Variants in ABCC1 observed in about 807,000 individuals in gnomAD.
The protein encoded by ABCC1 is multidrug resistance-associated protein 1.
ABCC1 carries 83 observed loss-of-function variants against 172.9 expected under a neutral mutation model. The observed-to-expected ratio is 0.48, with a 90% CI of 0.40 to 0.58. The LOEUF (loss-of-function observed/expected upper bound fraction) is 0.58. Ranked by LOEUF, ABCC1 falls within the 20% of genes least tolerant of loss-of-function variation. ABCC1 has a pLI of 0.00. For synonymous variants in ABCC1, 937 were observed against 825.2 expected (o/e 1.14, Z -2.32); for missense variants, 1,817 against 2,002.7 (o/e 0.91, Z 1.77).
At chr16:16,091,538 G>T (rs1174591821) in intron 19 of ABCC1, among the ~76,000 whole-genome samples, 1 of 152,210 alleles carries the variant, frequency 6.6e-6, no homozygotes, top group Non-Finnish European at 1.5e-5. Context: ...CCTCTCTGGG[G>T]AGGTTGCATT....
At chr16:16,108,282 T>C (rs2052227456) in intron 21 of ABCC1, among the ~76,000 whole-genome samples, 1 of 83,480 alleles carries the variant, frequency 1.2e-5, no homozygotes, top group African/African-American at 4.9e-5. Flanking sequence ...TCTTTTTTTT[T>C]TTTTTTTTTT....
chr16:16,118,058 A>G (rs530908533), intron 23 of ABCC1, among the ~76,000 whole-genome samples: 50 of 152,326 alleles, frequency 3.3e-4, no homozygotes, highest in African/African-American at 1.1e-3. Flanking sequence ...AATGTTTTCA[A>G]TTGACAGGTG....
chr16:16,018,188 G>A lies in ABCC1; in HGVS notation c.615+1567G>A, dbSNP rs34334486. Reference sequence around the variant, plus strand: ...TGAGGGGCAGAGGCTCACCTTGTGGGTGACGAAAGGGCTTGGTGGGCATCA... The same window carrying A: ...TGAGGGGCAGAGGCTCACCTTGTGGATGACGAAAGGGCTTGGTGGGCATCA... On this transcript the variant is annotated intron_variant, in intron 5 of 30. Coordinates refer to ENST00000399410, the MANE Select transcript of ABCC1 (RefSeq NM_004996.4). Among the ~76,000 whole-genome samples the A allele has an allele frequency of 2.2e-3, 329 of 152,280 alleles. 1 individual carries two copies. Among genetic ancestry groups the A allele is most frequent in the South Asian group, 5.0e-3 (24 of 4,820 alleles).
chr16:16,073,343 AT>A (rs1225256486), intron 14 of ABCC1, among the ~76,000 whole-genome samples: 3 of 152,296 alleles, frequency 2.0e-5, no homozygotes, highest in Admixed American at 6.5e-5. Context: ...CCTCACTGAG[AT>A]TTACTGAGCA....
chr16:15,986,758 G>A (rs2046753960), intron 1 of ABCC1, among the ~76,000 whole-genome samples: 1 of 152,292 alleles, frequency 6.6e-6, no homozygotes, highest in African/African-American at 2.4e-5. Context: ...CTGGGGACGG[G>A]GATGTAGGCA....
At chr16:15,979,508 T>C (rs1391769212) in intron 1 of ABCC1, among the ~76,000 whole-genome samples, 3 of 62,440 alleles carry the variant, frequency 4.8e-5, no homozygotes, top group African/African-American at 7.8e-5. Flanking sequence ...CTCTCTCTCT[T>C]TTTTAATAAA....
chr16:15,978,855 T>G (rs2046552982), intron 1 of ABCC1, among the ~76,000 whole-genome samples: 1 of 152,064 alleles, frequency 6.6e-6, no homozygotes, highest in Non-Finnish European at 1.5e-5. Flanking sequence ...TCTGTTGGGT[T>G]AGGATCAGGA....
chr16:15,966,590 G>A (rs2046248170), intron 1 of ABCC1, among the ~76,000 whole-genome samples: 1 of 151,714 alleles, frequency 6.6e-6, no homozygotes, highest in Non-Finnish European at 1.5e-5. Flanking sequence ...ACTAACCCAG[G>A]ATCGCATGTT....
chr16:16,045,614 C>G (rs2049173571), intron 8 of ABCC1, among the ~76,000 whole-genome samples: 1 of 152,024 alleles, frequency 6.6e-6, no homozygotes, highest in African/African-American at 2.4e-5. Context: ...ATAGCTAGAG[C>G]AATTAGTGCA....
chr16:16,104,384 C>T (rs192767878), intron 20 of ABCC1, among the ~76,000 whole-genome samples: 109 of 152,212 alleles, frequency 7.2e-4, no homozygotes, highest in African/African-American at 2.6e-3. Context: ...TGTTTACAAC[C>T]CCTGAGCTAG....
At chr16:16,128,964 C>T (rs1205878602) in intron 26 of ABCC1, among the ~76,000 whole-genome samples, 3 of 152,136 alleles carry the variant, frequency 2.0e-5, no homozygotes, top group African/African-American at 7.2e-5. Flanking sequence ...CACTGCACTC[C>T]AGCCTGGGTG....
intron 21 of ABCC1, among the ~76,000 whole-genome samples, chr16:16,107,312 T>C (rs1033624801): frequency 2.6e-5 from 4 of 152,154 alleles, no homozygotes; most frequent in Non-Finnish European, 5.9e-5. Context: ...TTTTTTGAGA[T>C]GGAGTCTCAC....
chr16:16,038,517 T>C (rs1005694713), intron 7 of ABCC1, among the ~76,000 whole-genome samples: 4 of 152,166 alleles, frequency 2.6e-5, no homozygotes, highest in Non-Finnish European at 4.4e-5. Flanking sequence ...TGACTTTTTG[T>C]TGTGTCCGGA....
At chr16:16,067,489 T>G (rs2050155531) in intron 12 of ABCC1, among the ~76,000 whole-genome samples, 1 of 152,170 alleles carries the variant, frequency 6.6e-6, no homozygotes. Flanking sequence ...GCTTGGGCCC[T>G]GTGCAAATAA....
At chr16:16,081,480 A>C (rs2050802892) in intron 16 of ABCC1, among the ~76,000 whole-genome samples, 1 of 152,192 alleles carries the variant, frequency 6.6e-6, no homozygotes, top group Admixed American at 6.5e-5. Context: ...TGTTTGGCCT[A>C]GGTAAGGGGA....
intron 1 of ABCC1, among the ~76,000 whole-genome samples, chr16:15,985,446 C>CT (rs948663778): frequency 1.5e-4 from 23 of 149,700 alleles, no homozygotes; most frequent in South Asian, 8.5e-4. Flanking sequence ...GTTTCTTTTT[C>CT]TTTTTTTTTT....
At chr16:15,957,969 T>C (rs187060691) in intron 1 of ABCC1, among the ~76,000 whole-genome samples, 50 of 152,380 alleles carry the variant, frequency 3.3e-4, no homozygotes, top group African/African-American at 1.2e-3. Flanking sequence ...GAAGTTCTGC[T>C]AGCCCCAGGC....
intron 23 of ABCC1, among the ~76,000 whole-genome samples, chr16:16,115,409 C>T (rs1217178375): frequency 6.6e-6 from 1 of 151,980 alleles, no homozygotes; most frequent in Non-Finnish European, 1.5e-5. Context: ...GGCTGGAGTG[C>T]AGTGGCACAA....
intron 19 of ABCC1, among the ~76,000 whole-genome samples, chr16:16,096,257 C>A (rs1018474241): frequency 6.6e-6 from 1 of 152,074 alleles, no homozygotes; most frequent in Non-Finnish European, 1.5e-5. Flanking sequence ...AAAAAAAACT[C>A]CCGAGAAAGA....
Sources: gnomAD v4.1 joint callset for allele counts (sites outside exome capture counted in the v4.1 genomes callset) on GRCh38, gnomAD v4.1.1 for gene constraint, MANE v1.5 for transcripts, NCBI Gene and HGNC (gene_info 2026-07-23, HGNC 2026-07-21) for gene names.